The following FKBP15 variants were observed in gnomAD, a reference collection of about 807,000 sequenced individuals.
The protein encoded by FKBP15 is FK506-binding protein 15.
In FKBP15, 106 loss-of-function variants were observed where a neutral mutation model predicts 158.1. The ratio of observed to expected loss-of-function variants is 0.67; its 90% CI spans 0.57 to 0.79. The LOEUF is 0.79. Ranked by LOEUF, FKBP15 falls within the 30% of genes least tolerant of loss-of-function variation. The pLI, the probability that FKBP15 is intolerant of heterozygous loss-of-function variation, is 0.00. For missense variants in FKBP15, 1,287 were observed against 1,479.1 expected, an observed-to-expected ratio of 0.87 and a Z score of 2.13; for synonymous variants, 547 against 548.6, an observed-to-expected ratio of 1.00 and a Z score of 0.04.
At chr9:113,203,196 T>C (rs1219279219) in intron 4 of FKBP15, among the ~76,000 whole-genome samples, 161 bp from the exon 5 acceptor site, 1 of 152,254 alleles carries the variant, frequency 6.6e-6, no homozygotes, top group African/African-American at 2.4e-5. Flanking sequence ...CTTTAAATTT[T>C]ATCTTCTCAC....
rs555889305 is a variant in FKBP15, at chr9:113,175,770, A to C, written c.2223+767T>G. On this transcript the variant is annotated intron_variant, in intron 21 of 27. Coordinates refer to ENST00000238256, the MANE Select transcript of FKBP15 (RefSeq NM_015258.2). ...ACATAAGAAATACAAATAGGTATTAAATATATGAAAGCTTTACTACTAATA... is the reference window on the plus strand; with the variant it reads ...ACATAAGAAATACAAATAGGTATTACATATATGAAAGCTTTACTACTAATA... 2.0e-5 allele frequency among the ~76,000 whole-genome samples: 3 copies of C among 152,346 alleles called. No individual in the cohort carries two copies. In the East Asian group the frequency reaches 5.8e-4, roughly 29 times the overall value.
chr9:113,215,599 T>C (rs58604520), intron 1 of FKBP15, among the ~76,000 whole-genome samples: 1,890 of 112,610 alleles, frequency 0.017, 34 homozygotes, highest in African/African-American at 0.039. Context: ...TGAATATATA[T>C]GTGTGCGTGT....
intron 23 of FKBP15, 92 bp from the exon 24 acceptor site, chr9:113,171,798 CT>C (rs200502042): frequency 0.15 from 121,832 of 802,596 alleles, no homozygotes; most frequent in Non-Finnish European, 0.16. Context: ...CATCAAGTCT[CT>C]TTTTTTTTTT....
At position 113,215,624 on chromosome 9, in the gene FKBP15, GTATA is replaced by G. The variant is rs58868565; in HGVS notation, c.54-4036_54-4033del. ...TGTGTGCGTGTGTGTGTGTGTGTGT[GTATA>G]TATATATATATATATATTTTTTTTT... On this transcript the variant is annotated intron_variant, in intron 1 of 27. Coordinates refer to ENST00000238256, the MANE Select transcript of FKBP15 (RefSeq NM_015258.2). Among the ~76,000 whole-genome samples, 138 of 93,884 alleles carry G rather than the reference GTATA, an allele frequency of 1.5e-3. 2 individuals carry two copies. Among genetic ancestry groups the G allele is most frequent in the Non-Finnish European group, 1.9e-3 (88 of 46,804 alleles). 61.6% of individuals were successfully genotyped at this position (93,884 alleles called of 152,430 possible).
intron 14 of FKBP15, chr9:113,186,760 A>G (rs116273413): frequency 8.4e-4 from 135 of 161,102 alleles, no homozygotes; most frequent in South Asian, 3.3e-3. Flanking sequence ...AAATCTGCCA[A>G]TTTCCAAGGA....
Position 113,168,374 on chromosome 9 carries a change from C to T in FKBP15, c.3582+86G>A, listed in dbSNP as rs555742080. 2.2e-5 allele frequency: 26 copies of T among 1,187,528 alleles called. No individual in the cohort carries two copies. In the South Asian group the frequency reaches 3.1e-4, roughly 14 times the overall value. 73.6% of individuals were successfully genotyped at this position (1,187,528 alleles called of 1,614,324 possible). ...CAGAGTCCAGGGAGTGGGCCACCAA[C>T]AGGCTCCATTTCTCTTCTCAGAGCC... On this transcript the variant is annotated intron_variant, in intron 27 of 27. Transcript: ENST00000238256.
chr9:113,206,270 G>A, intron 4 of FKBP15: 1 of 541,814 alleles, frequency 1.8e-6, no homozygotes, highest in Non-Finnish European at 3.3e-6. Context: ...AAATTCTTAA[G>A]CTAGGATCAT....
intron 26 of FKBP15, 113 bp downstream of exon 26, chr9:113,169,110 AT>A: frequency 7.4e-7 from 1 of 1,351,980 alleles, no homozygotes; most frequent in African/African-American, 1.5e-5. Context: ...CAACTAATGA[AT>A]GAAGACATGA....
At chr9:113,210,761 C>A (rs550115241) in intron 2 of FKBP15, among the ~76,000 whole-genome samples, 1 of 133,346 alleles carries the variant, frequency 7.5e-6, no homozygotes, top group African/African-American at 2.9e-5. Context: ...CAACTGCCAG[C>A]GTGGCTAGTA....
At chr9:113,205,603 T>G (rs1296092195) in intron 4 of FKBP15, among the ~76,000 whole-genome samples, 1 of 152,134 alleles carries the variant, frequency 6.6e-6, no homozygotes, top group Non-Finnish European at 1.5e-5. Context: ...TGGAAAACAG[T>G]TTGGCAGTTT....
chr9:113,171,736 C>T (rs779219507), intron 23 of FKBP15, 30 bp from the exon 24 acceptor site: 8 of 1,418,720 alleles, frequency 5.6e-6, no homozygotes, highest in Non-Finnish European at 7.4e-6. Flanking sequence ...TGGCTGTGGC[C>T]TCAGGAACCA....
chr9:113,182,575 C>T (rs182544263), intron 19 of FKBP15, among the ~76,000 whole-genome samples, 191 bp downstream of exon 19: 1 of 152,274 alleles, frequency 6.6e-6, no homozygotes, highest in East Asian at 1.9e-4. Flanking sequence ...TTTTGAGTCA[C>T]CTTACTGCGA....
intron 15 of FKBP15, among the ~76,000 whole-genome samples, chr9:113,185,492 C>T (rs1830470998): frequency 6.6e-6 from 1 of 152,216 alleles, no homozygotes; most frequent in African/African-American, 2.4e-5. Context: ...TCCAGAACCA[C>T]AAATTATGTT....
chr9:113,167,904 C>CACAA (rs1830123229), intron 27 of FKBP15, among the ~76,000 whole-genome samples: 1 of 152,042 alleles, frequency 6.6e-6, no homozygotes, highest in Admixed American at 6.6e-5. Context: ...ATTTTGTGCC[C>CACAA]AGGGATATTG....
At position 113,178,104 on chromosome 9, in the gene FKBP15, T is replaced by C. The variant is rs144421486; in HGVS notation, c.2086+526A>G. ...TGGTGGGCATGTCAAGTCCAGAGAA[T>C]AGCATGGATAAGAAGCAAGACAAGA... On this transcript the variant is annotated intron_variant, in intron 20 of 27. Transcript: ENST00000238256. Among the ~76,000 whole-genome samples, 24 of 152,182 alleles carry C rather than the reference T, an allele frequency of 1.6e-4. 1 individual carries two copies. In the South Asian group the frequency reaches 2.5e-3, roughly 16 times the overall value.
chr9:113,173,627 C>G (rs200248072), intron 22 of FKBP15, 22 bp from the exon 23 acceptor site: 11 of 1,607,530 alleles, frequency 6.8e-6, no homozygotes, highest in African/African-American at 1.3e-5. Flanking sequence ...AAGTAATGAC[C>G]ATATCATCCT....
At chr9:113,192,581 G>A (rs1723486573) in intron 11 of FKBP15, among the ~76,000 whole-genome samples, 1 of 152,164 alleles carries the variant, frequency 6.6e-6, no homozygotes, top group African/African-American at 2.4e-5. Flanking sequence ...CCTGCTCAAA[G>A]TCAATCAGCT....
In FKBP15 at chr9:113,164,010, A is replaced by T. The variant is rs182034110; in HGVS notation, c.*2068T>A. The T allele has an allele frequency of 6.5e-6, 1 of 152,774 alleles. No homozygotes were observed. The highest frequency in any genetic ancestry group is 1.9e-4 in the East Asian group (1 of 5,188). The allele number at this position is 152,774 out of a possible 1,614,324, so 9.5% of individuals were successfully genotyped here. ...CTGGATAGTTGAACCTCTTCACTTTATAAAAAAGGAAAGAGAGAAAATCAC... is the reference window on the plus strand; with the variant it reads ...CTGGATAGTTGAACCTCTTCACTTTTTAAAAAAGGAAAGAGAGAAAATCAC... On this transcript the variant is annotated 3_prime_UTR_variant, in exon 28 of 28. Transcript: ENST00000238256.
chr9:113,170,679 G>T, intron 24 of FKBP15, 50 bp from the exon 25 acceptor site: 2 of 1,405,044 alleles, frequency 1.4e-6, no homozygotes, highest in East Asian at 2.3e-5. Context: ...ACTAAAGGAT[G>T]CATTAAATTC....
Sources: gnomAD v4.1 joint callset for allele counts (sites outside exome capture counted in the v4.1 genomes callset) on GRCh38, gnomAD v4.1.1 for gene constraint, MANE v1.5 for transcripts, NCBI Gene and HGNC (gene_info 2026-07-23, HGNC 2026-07-21) for gene names.